Variants in NLN observed in about 807,000 individuals in gnomAD.
The protein encoded by NLN is neurolysin, also known as neurolysin, mitochondrial.
NLN carries 64 observed loss-of-function variants against 79.9 expected under a neutral mutation model. The ratio of observed to expected loss-of-function variants is 0.80; its 90% CI spans 0.65 to 0.99. The LOEUF is 0.99. Among genes scored for constraint, NLN ranks in the 50% least tolerant of loss-of-function variants. NLN has a pLI of 0.00. For synonymous variants in NLN, 267 were observed against 296.6 expected, an observed-to-expected ratio of 0.90 and a Z score of 1.02; for missense variants, 835 against 858.7, an observed-to-expected ratio of 0.97 and a Z score of 0.34.
chr5:65,764,577 A>C (rs1404669321), intron 3 of NLN, among the ~76,000 whole-genome samples: 2 of 152,212 alleles, frequency 1.3e-5, no homozygotes, highest in African/African-American at 4.8e-5. Flanking sequence ...GATCCCACTA[A>C]ACTTGGGAAC....
chr5:65,766,754 AAGTT>A (rs1759460984), intron 3 of NLN, among the ~76,000 whole-genome samples: 1 of 152,258 alleles, frequency 6.6e-6, no homozygotes, highest in South Asian at 2.1e-4. Flanking sequence ...AATCAAAGAC[AAGTT>A]AGTTACTTCT....
chr5:65,810,230 AG>A, intron 11 of NLN, 65 bp downstream of exon 11: 1 of 1,403,508 alleles, frequency 7.1e-7, no homozygotes, highest in Non-Finnish European at 1.0e-6. Flanking sequence ...CTAACACTGC[AG>A]GGGAGATGGA....
At chr5:65,745,573 C>G (rs1183111603) in intron 1 of NLN, among the ~76,000 whole-genome samples, 2 of 152,126 alleles carry the variant, frequency 1.3e-5, no homozygotes, top group Non-Finnish European at 2.9e-5. Context: ...TAAATAAGAA[C>G]ATGCATATAA....
At chr5:65,818,288 G>C (rs952846445) in intron 12 of NLN, among the ~76,000 whole-genome samples, 4 of 152,090 alleles carry the variant, frequency 2.6e-5, no homozygotes, top group African/African-American at 9.7e-5. Context: ...TCAGCGTTGG[G>C]TTCCCTTCTC....
chr5:65,784,588 C>T (rs1207533143), intron 6 of NLN, among the ~76,000 whole-genome samples: 3 of 152,062 alleles, frequency 2.0e-5, no homozygotes, highest in Non-Finnish European at 2.9e-5. Context: ...TAGCTGTAGC[C>T]CTTTTATAAG....
intron 1 of NLN, among the ~76,000 whole-genome samples, chr5:65,728,712 G>A (rs988775015): frequency 1.3e-5 from 2 of 152,142 alleles, no homozygotes; most frequent in African/African-American, 4.8e-5. Flanking sequence ...TTTATTCAGT[G>A]AGTATAATTC....
At chr5:65,734,683 A>G (rs561367635) in intron 1 of NLN, among the ~76,000 whole-genome samples, 7 of 152,300 alleles carry the variant, frequency 4.6e-5, no homozygotes, top group Admixed American at 2.0e-4. Context: ...CTTGTGGTCA[A>G]CACCGAAAGG....
At chr5:65,770,265 ATAACT>A (rs1759539187) in intron 3 of NLN, among the ~76,000 whole-genome samples, 1 of 152,254 alleles carries the variant, frequency 6.6e-6, no homozygotes, top group Non-Finnish European at 1.5e-5. Context: ...TACTGAGAAA[ATAACT>A]TTACAAAACA....
intron 3 of NLN, among the ~76,000 whole-genome samples, chr5:65,770,940 A>G (rs975361423): frequency 1.3e-5 from 2 of 152,206 alleles, no homozygotes; most frequent in Non-Finnish European, 2.9e-5. Flanking sequence ...TATACAATAT[A>G]TAAGTGGTAA....
chr5:65,728,483 A>G (rs1758528987), intron 1 of NLN, among the ~76,000 whole-genome samples: 1 of 152,194 alleles, frequency 6.6e-6, no homozygotes. Flanking sequence ...TGGAATTTGT[A>G]CATCAAAGGG....
intron 8 of NLN, 85 bp downstream of exon 8, chr5:65,788,569 C>T: frequency 1.5e-6 from 2 of 1,355,958 alleles, no homozygotes; most frequent in Non-Finnish European, 2.0e-6. Context: ...GGCACAGTGG[C>T]TCATGCCTGT....
intron 12 of NLN, among the ~76,000 whole-genome samples, chr5:65,815,759 G>C (rs1760656001): frequency 6.6e-6 from 1 of 151,710 alleles, no homozygotes; most frequent in Non-Finnish European, 1.5e-5. Flanking sequence ...GTTTTTTGTT[G>C]GTGGCGGCGG....
chr5:65,799,888 T>C (rs768609128), intron 9 of NLN, among the ~76,000 whole-genome samples: 4 of 152,014 alleles, frequency 2.6e-5, no homozygotes, highest in Non-Finnish European at 4.4e-5. Context: ...CATCTGTTTA[T>C]GGCAAAGTCT....
chr5:65,752,172 G>A (rs1759116235), intron 1 of NLN, among the ~76,000 whole-genome samples: 1 of 152,004 alleles, frequency 6.6e-6, no homozygotes. Context: ...GGAAGGTTGA[G>A]GCTACAGTGA....
At chr5:65,750,558 A>T (rs1759082527) in intron 1 of NLN, among the ~76,000 whole-genome samples, 1 of 152,172 alleles carries the variant, frequency 6.6e-6, no homozygotes, top group African/African-American at 2.4e-5. Context: ...TCTACTAAAA[A>T]TTTTTAAATT....
At chr5:65,737,148 T>C (rs1758745340) in intron 1 of NLN, among the ~76,000 whole-genome samples, 1 of 150,240 alleles carries the variant, frequency 6.7e-6, no homozygotes. Flanking sequence ...AATATGTATA[T>C]TTAATCTGTG....
rs565397531 is a variant in NLN at position 65,774,465 on chromosome 5, TC to T, written c.451-2960del. ...TGTTGGCTGATTCCCTCTTAGAAAA[TC>T]CTTGGGCAGTAATTCTGACCTTGCC... On this transcript the variant is annotated intron_variant, in intron 3 of 12. Coordinates refer to ENST00000380985, the MANE Select transcript of NLN (RefSeq NM_020726.5). Among the ~76,000 whole-genome samples, 333 of 152,146 alleles carry T rather than the reference TC, an allele frequency of 2.2e-3. 2 individuals carry two copies. The highest frequency in any genetic ancestry group is 7.3e-3 in the African/African-American group (303 of 41,536).
intron 1 of NLN, among the ~76,000 whole-genome samples, chr5:65,753,986 A>G (rs527821028): frequency 6.0e-4 from 92 of 152,282 alleles, no homozygotes; most frequent in Admixed American, 9.8e-4. Context: ...AACACCAAGT[A>G]TGTGAGACCC....
intron 7 of NLN, among the ~76,000 whole-genome samples, chr5:65,786,657 G>GACC (rs1470174732): frequency 6.6e-6 from 1 of 151,950 alleles, no homozygotes; most frequent in Non-Finnish European, 1.5e-5. Flanking sequence ...CAGAGTCCAA[G>GACC]ACCAGCTTGG....
Sources: gnomAD v4.1 joint callset for allele counts (sites outside exome capture counted in the v4.1 genomes callset) on GRCh38, gnomAD v4.1.1 for gene constraint, MANE v1.5 for transcripts, NCBI Gene and HGNC (gene_info 2026-07-23, HGNC 2026-07-21) for gene names.